Variants in WTIP observed in about 807,000 individuals in gnomAD.
The protein encoded by WTIP is Wilms tumor protein 1-interacting protein.
Under a neutral mutation model 41.7 loss-of-function variants are expected in WTIP, and 23 were observed. That is an observed-to-expected ratio of 0.55 (90% CI 0.40 to 0.78). The LOEUF is 0.78. Ranked by LOEUF, WTIP falls within the 30% of genes least tolerant of loss-of-function variation. The pLI is 0.00. For synonymous variants in WTIP, 314 were observed against 269.9 expected (o/e 1.16, Z -1.60); for missense variants, 619 against 610.5 (o/e 1.01, Z -0.15).
At chr19:34,494,319 C>T (rs2075841619) in intron 5 of WTIP, among the ~76,000 whole-genome samples, 1 of 151,286 alleles carries the variant, frequency 6.6e-6, no homozygotes, top group South Asian at 2.1e-4. Context: ...TTTGGGAGGT[C>T]GAGGTGGGTG....
At position 34,490,482 on chromosome 19, in the gene WTIP, G is replaced by C. The variant is rs2075820194; in HGVS notation, c.769+5G>C. The stretch of plus-strand genomic sequence containing the variant: ...GCTTCACCTGCGACTCGTGTGGTAG[G>C]TAACCTCGTGCCCTGGGTAGCTCTG... On this transcript the variant is annotated splice_donor_5th_base_variant and intron_variant, in intron 2 of 7. Coordinates refer to ENST00000590071, the MANE Select transcript of WTIP (RefSeq NM_001080436.2). 11 of 1,613,568 alleles carry C rather than the reference G, an allele frequency of 6.8e-6. No homozygotes were observed. Among genetic ancestry groups the C allele is most frequent in the Non-Finnish European group, 9.3e-6 (11 of 1,179,596 alleles).
In WTIP at chr19:34,507,648, A is replaced by G. The variant is rs2075918085; in HGVS notation, c.*7379A>G. 1 of 152,236 alleles carries G rather than the reference A, an allele frequency of 6.6e-6. No individual in the cohort carries two copies. Among genetic ancestry groups the G allele is most frequent in the East Asian group, 1.9e-4 (1 of 5,190 alleles). 9.4% of individuals were successfully genotyped at this position (152,236 alleles called of 1,614,324 possible). On this transcript the variant is annotated 3_prime_UTR_variant, in exon 8 of 8. Transcript: ENST00000590071. ...GGAGGGGAGCCCTGATGTCTGGGAC[A>G]GTGCTTGTCAGTGGATGGGCTTTTG... is the stretch of plus-strand genomic sequence containing the variant.
At chr19:34,492,841 C>T (rs574756570) in intron 2 of WTIP, among the ~76,000 whole-genome samples, 196 bp from the exon 3 acceptor site, 4 of 152,134 alleles carry the variant, frequency 2.6e-5, no homozygotes, top group East Asian at 1.9e-4. Flanking sequence ...ATAACTCTGT[C>T]GACAATGTGT....
intron 5 of WTIP, among the ~76,000 whole-genome samples, chr19:34,494,070 T>G (rs1373803621): frequency 1.3e-5 from 2 of 152,164 alleles, no homozygotes; most frequent in Admixed American, 1.3e-4. Flanking sequence ...AGCAGGGCCT[T>G]CCGTGGGATT....
chr19:34,488,177 G>A (rs1389672034), intron 1 of WTIP, among the ~76,000 whole-genome samples: 3 of 152,082 alleles, frequency 2.0e-5, no homozygotes, highest in African/African-American at 4.8e-5. Context: ...CCAGGTTCAA[G>A]TGATTCTGCT....
rs1568400810 is a variant in WTIP, at chr19:34,494,654, CAG to C, written c.1083+21_1083+22del. 1 of 1,611,462 alleles carries C rather than the reference CAG, an allele frequency of 6.2e-7. No individual in the cohort carries two copies. Among genetic ancestry groups the C allele is most frequent in the Admixed American group, 1.7e-5 (1 of 59,526 alleles). On this transcript the variant is annotated intron_variant, in intron 6 of 7. Transcript: ENST00000590071. ...CCTGCACAGGTAGGAGCCACTCACC[CAG>C]AGATGATCAGGTGCCTGGCCCAGCC...
At position 34,493,747 on chromosome 19, in the gene WTIP, G is replaced by T; in HGVS notation, c.1031+125G>T. ...GGCCTTTTGCCTTCCGCCTCCCCTT[G>T]TACACCTGGGCTTGGGGCAGGCATG... On this transcript the variant is annotated intron_variant, in intron 5 of 7. Coordinates refer to ENST00000590071, the MANE Select transcript of WTIP (RefSeq NM_001080436.2). The surrounding 1 kb of genome is among the most constrained non-coding windows in gnomAD (Gnocchi z 4.1). 1 of 1,341,186 alleles carries T rather than the reference G, an allele frequency of 7.5e-7. No homozygotes were observed. Among genetic ancestry groups the T allele is most frequent in the Non-Finnish European group, 1.0e-6 (1 of 966,430 alleles). 83.1% of individuals were successfully genotyped at this position (1,341,186 alleles called of 1,614,324 possible). A position where few individuals can be genotyped will look rare whatever the true frequency, so the allele number is the denominator to read the frequency against.
At chr19:34,494,477 G>A in intron 5 of WTIP, 109 bp from the exon 6 acceptor site, 1 of 1,025,068 alleles carries the variant, frequency 9.8e-7, no homozygotes, top group South Asian at 1.4e-5. Context: ...CAGGGAGAGA[G>A]GGCCTGATAC....
At chr19:34,490,327 C>T (rs1223162781) in intron 1 of WTIP, 49 bp from the exon 2 acceptor site, 1 of 1,576,032 alleles carries the variant, frequency 6.3e-7, no homozygotes, top group South Asian at 1.1e-5. Flanking sequence ...GTCGGTGTGG[C>T]ATAGGCTGTG....
At chr19:34,492,539 A>C (rs1159816967) in intron 2 of WTIP, among the ~76,000 whole-genome samples, 1 of 151,592 alleles carries the variant, frequency 6.6e-6, no homozygotes, top group Non-Finnish European at 1.5e-5. Context: ...CATCTCTACT[A>C]AAAATACAAA....
intron 1 of WTIP, among the ~76,000 whole-genome samples, chr19:34,489,325 G>A (rs2075814060): frequency 6.6e-6 from 1 of 152,076 alleles, no homozygotes; most frequent in Non-Finnish European, 1.5e-5. Context: ...GGGGACCTGG[G>A]TGCATTGCAG....
At chr19:34,484,885 G>C (rs1267881190) in intron 1 of WTIP, among the ~76,000 whole-genome samples, 1 of 148,698 alleles carries the variant, frequency 6.7e-6, no homozygotes, top group African/African-American at 2.5e-5. Context: ...AGCTATGATC[G>C]TGCCACTGCA....
In WTIP at chr19:34,494,606, C is replaced by A; in HGVS notation, c.1052C>A (p.Ala351Asp). 1 of 1,613,748 alleles carries A rather than the reference C, an allele frequency of 6.2e-7. No individual in the cohort carries two copies. Among genetic ancestry groups the A allele is most frequent in the African/African-American group, 1.3e-5 (1 of 75,044 alleles). Residue 351 changes from alanine (A) to aspartate (D), a missense_variant, in exon 6 of 8, where the codon GCC (alanine) becomes GAC (aspartate). Coordinates refer to ENST00000590071, the MANE Select transcript of WTIP (RefSeq NM_001080436.2). ...DYHTVFAPKC[A>D]SCARPILPAQ... ...TCTAGGGTTTTTGCACCAAAATGCGCCTCCTGTGCCCGTCCTATCCTCCCT... is the reference window on the plus strand; with the variant it reads ...TCTAGGGTTTTTGCACCAAAATGCGACTCCTGTGCCCGTCCTATCCTCCCT...
chr19:34,501,421 C>G lies in WTIP; in HGVS notation c.*1152C>G, dbSNP rs1325567703. On this transcript the variant is annotated 3_prime_UTR_variant, in exon 8 of 8. Coordinates refer to ENST00000590071, the MANE Select transcript of WTIP (RefSeq NM_001080436.2). ...TGCAGTGTGGAGGTCCCTCCGTGCTCCCCGGGACACACTGACGGGAATGTG... is the reference window on the plus strand; with the variant it reads ...TGCAGTGTGGAGGTCCCTCCGTGCTGCCCGGGACACACTGACGGGAATGTG... The G allele has an allele frequency of 6.6e-6, 1 of 152,262 alleles. No individual in the cohort carries two copies. Among genetic ancestry groups the G allele is most frequent in the Non-Finnish European group, 1.5e-5 (1 of 68,088 alleles). The allele number at this position is 152,262 out of a possible 1,614,324, so 9.4% of individuals were successfully genotyped here. A position where few individuals can be genotyped will look rare whatever the true frequency, so the allele number is the denominator to read the frequency against.
intron 7 of WTIP, 102 bp from the exon 8 acceptor site, chr19:34,500,027 A>ACCCTGCAGATCTGCCCCT: frequency 2.0e-6 from 3 of 1,482,130 alleles, no homozygotes; most frequent in African/African-American, 1.4e-5. Flanking sequence ...GTTTTGCGGC[A>ACCCTGCAGATCTGCCCCT]CCCTGCAGAT....
intron 1 of WTIP, among the ~76,000 whole-genome samples, chr19:34,489,031 C>T (rs2075811998): frequency 6.6e-6 from 1 of 151,562 alleles, no homozygotes; most frequent in Non-Finnish European, 1.5e-5. Context: ...AACCCTATCT[C>T]TACTAAAAAT....
chr19:34,489,566 T>C (rs2075815302), intron 1 of WTIP, among the ~76,000 whole-genome samples: 1 of 152,134 alleles, frequency 6.6e-6, no homozygotes, highest in Admixed American at 6.5e-5. Flanking sequence ...AGGATTTGGT[T>C]CACAAACAGC....
intron 1 of WTIP, among the ~76,000 whole-genome samples, chr19:34,489,197 TA>T (rs57433723): frequency 4.8e-5 from 3 of 61,960 alleles, no homozygotes; most frequent in Non-Finnish European, 2.6e-5. Flanking sequence ...AGACTCTATC[TA>T]AAAAAAAAAA....
Position 34,481,886 on chromosome 19 carries a change from G to A in WTIP, c.-89G>A, listed in dbSNP as rs2075768053. 2.4e-6 allele frequency: 2 copies of A among 835,492 alleles called. No individual in the cohort carries two copies. Among genetic ancestry groups the A allele is most frequent in the Non-Finnish European group, 1.4e-6 (1 of 694,764 alleles). The allele number at this position is 835,492 out of a possible 1,614,324, so 51.8% of individuals were successfully genotyped here. A position where few individuals can be genotyped will look rare whatever the true frequency, so the allele number is the denominator to read the frequency against. On this transcript the variant is annotated 5_prime_UTR_variant, in exon 1 of 8. Transcript: ENST00000590071. Reference sequence around the variant, plus strand: ...GCCCAGGGGTCCCGGGGCGGGCTCCGGGCTTCGGGCGGACGATGCGGCGGC... The same window carrying A: ...GCCCAGGGGTCCCGGGGCGGGCTCCAGGCTTCGGGCGGACGATGCGGCGGC...
Sources: gnomAD v4.1 joint callset for allele counts (sites outside exome capture counted in the v4.1 genomes callset) on GRCh38, gnomAD v4.1.1 for gene constraint, Gnocchi (gnomAD v3.1) non-coding constraint, MANE v1.5 for transcripts, NCBI Gene and HGNC (gene_info 2026-07-23, HGNC 2026-07-21) for gene names.